The following FCHSD2 variants were observed in gnomAD, a reference collection of about 807,000 sequenced individuals.
FCHSD2 encodes the protein F-BAR and double SH3 domains protein 2.
Under a neutral mutation model 108.1 loss-of-function variants are expected in FCHSD2, and 38 were observed. The ratio of observed to expected loss-of-function variants is 0.35; its 90% CI spans 0.27 to 0.46. The LOEUF is 0.46. FCHSD2 is among the 20% of genes least tolerant of loss of function. FCHSD2 has a pLI of 1.00. For synonymous variants in FCHSD2, 279 were observed against 314.7 expected (o/e 0.89, Z 1.20); for missense variants, 751 against 897.8 (o/e 0.84, Z 2.09).
intron 12 of FCHSD2, among the ~76,000 whole-genome samples, chr11:72,882,109 C>G (rs1855101818): frequency 6.6e-6 from 1 of 151,830 alleles, no homozygotes; most frequent in African/African-American, 2.4e-5. Context: ...CGCGCCACTG[C>G]ACTCCAGCCT....
chr11:72,895,968 A>G (rs1855409139), intron 10 of FCHSD2, among the ~76,000 whole-genome samples: 1 of 152,154 alleles, frequency 6.6e-6, no homozygotes, highest in Non-Finnish European at 1.5e-5. Context: ...TTTCAGGTAC[A>G]TTTCCTGCAC....
intron 3 of FCHSD2, among the ~76,000 whole-genome samples, chr11:73,035,611 C>T (rs1706633066): frequency 6.6e-6 from 1 of 152,104 alleles, no homozygotes; most frequent in Non-Finnish European, 1.5e-5. Flanking sequence ...TTAATACCTT[C>T]ATCTATTCAA....
intron 3 of FCHSD2, among the ~76,000 whole-genome samples, chr11:73,032,070 T>C (rs1343826448): frequency 6.6e-6 from 1 of 152,154 alleles, no homozygotes; most frequent in Non-Finnish European, 1.5e-5. Flanking sequence ...GTCTCAAATA[T>C]TTAATAAAAA....
chr11:73,128,904 C>T (rs953661006), intron 2 of FCHSD2, among the ~76,000 whole-genome samples: 13 of 152,304 alleles, frequency 8.5e-5, no homozygotes, highest in Middle Eastern at 6.8e-3. Flanking sequence ...CAGAGTCTCG[C>T]TCTGTTGCCC....
rs573098949 is a variant in FCHSD2 at position 72,959,140 on chromosome 11, C to T, written c.705+24948G>A. ...GCTTAGATGGTCTGTATGATTCTGT[C>T]AATACTCTTTACCCATTTTAGAAAT... On this transcript the variant is annotated intron_variant, in intron 8 of 19. Coordinates refer to ENST00000409418, the MANE Select transcript of FCHSD2 (RefSeq NM_014824.3). 8.8e-5 allele frequency among the ~76,000 whole-genome samples: 13 copies of T among 148,426 alleles called. No individual in the cohort carries two copies. The East Asian group carries it at 2.3e-3, about 26-fold the overall frequency.
At chr11:72,894,096 T>G (rs990919239) in intron 10 of FCHSD2, among the ~76,000 whole-genome samples, 1 of 152,206 alleles carries the variant, frequency 6.6e-6, no homozygotes. Flanking sequence ...TGGTCATGTA[T>G]GATGAATGAA....
chr11:72,968,069 C>A (rs1025509075), intron 8 of FCHSD2, among the ~76,000 whole-genome samples: 1 of 133,528 alleles, frequency 7.5e-6, no homozygotes, highest in East Asian at 2.2e-4. Flanking sequence ...CCAGCCTGGG[C>A]AACAGAGCAA....
intron 2 of FCHSD2, among the ~76,000 whole-genome samples, chr11:73,130,523 G>A (rs1214948044): frequency 2.0e-4 from 30 of 152,158 alleles, no homozygotes; most frequent in Admixed American, 1.9e-3. Flanking sequence ...CACCTGCCTT[G>A]GGCTGCAATG....
At chr11:73,038,315 C>A (rs1858548318) in intron 3 of FCHSD2, among the ~76,000 whole-genome samples, 1 of 150,908 alleles carries the variant, frequency 6.6e-6, no homozygotes, top group Non-Finnish European at 1.5e-5. Context: ...GCACTCCAGC[C>A]TGGGTGACAG....
intron 2 of FCHSD2, among the ~76,000 whole-genome samples, chr11:73,091,179 G>A (rs1245484979): frequency 6.6e-6 from 1 of 151,958 alleles, no homozygotes; most frequent in East Asian, 1.9e-4. Flanking sequence ...TAGACATTTG[G>A]GTTTCCACAT....
chr11:73,115,066 G>A (rs1464517285), intron 2 of FCHSD2, among the ~76,000 whole-genome samples: 1 of 152,214 alleles, frequency 6.6e-6, no homozygotes, highest in Non-Finnish European at 1.5e-5. Flanking sequence ...AATTTAGCCT[G>A]CAGTGGCAAG....
intron 14 of FCHSD2, among the ~76,000 whole-genome samples, 153 bp downstream of exon 14, chr11:72,849,602 A>G (rs2135168992): frequency 6.6e-6 from 1 of 152,356 alleles, no homozygotes; most frequent in East Asian, 1.9e-4. Context: ...GTCAAGTCAG[A>G]GCCTAAACTC....
chr11:72,887,128 G>GAT lies in FCHSD2; in HGVS notation c.1146+340_1146+341dup, dbSNP rs5792604. The stretch of plus-strand genomic sequence containing the variant: ...CTCCATAGATATTGATATATAAGGA[G>GAT]ATATATATATATATCTAAATTGATA... On this transcript the variant is annotated intron_variant, in intron 12 of 19. Coordinates refer to ENST00000409418, the MANE Select transcript of FCHSD2 (RefSeq NM_014824.3). Among the ~76,000 whole-genome samples, 509 of 148,970 alleles carry GAT rather than the reference G, an allele frequency of 3.4e-3. 3 individuals are homozygous for GAT. Among genetic ancestry groups the GAT allele is most frequent in the African/African-American group, 0.011 (466 of 40,576 alleles).
At chr11:73,054,340 C>G (rs998680855) in intron 3 of FCHSD2, among the ~76,000 whole-genome samples, 1 of 151,932 alleles carries the variant, frequency 6.6e-6, no homozygotes, top group Non-Finnish European at 1.5e-5. Flanking sequence ...TGCCCAGACC[C>G]TTAAAACGAT....
At position 72,847,417 on chromosome 11, in the gene FCHSD2, C is replaced by A. The variant is rs191888101; in HGVS notation, c.1443+2338G>T. Among the ~76,000 whole-genome samples, 179 of 152,314 alleles carry A rather than the reference C, an allele frequency of 1.2e-3. 1 individual carries two copies. Among genetic ancestry groups the A allele is most frequent in the African/African-American group, 4.1e-3 (172 of 41,568 alleles). On this transcript the variant is annotated intron_variant, in intron 14 of 19. Coordinates refer to ENST00000409418, the MANE Select transcript of FCHSD2 (RefSeq NM_014824.3). The stretch of plus-strand genomic sequence containing the variant: ...ACAATTATTTACTAATGACCTACTA[C>A]GTGCTGGGCATTGTCCTAGGGGCTG...
intron 3 of FCHSD2, among the ~76,000 whole-genome samples, chr11:73,030,611 A>G (rs1858336593): frequency 6.6e-6 from 1 of 152,152 alleles, no homozygotes; most frequent in African/African-American, 2.4e-5. Flanking sequence ...CAATACTTTA[A>G]TCTATTTAAA....
chr11:73,080,778 T>C (rs1442120542), intron 3 of FCHSD2, among the ~76,000 whole-genome samples: 2 of 152,004 alleles, frequency 1.3e-5, no homozygotes, highest in Non-Finnish European at 2.9e-5. Flanking sequence ...ACCCCATCTC[T>C]ACTAAAAAGA....
At chr11:72,978,690 C>T (rs1857155096) in intron 8 of FCHSD2, among the ~76,000 whole-genome samples, 1 of 152,068 alleles carries the variant, frequency 6.6e-6, no homozygotes, top group African/African-American at 2.4e-5. Flanking sequence ...AAAAGTGGCA[C>T]TTCCCCCTTC....
At chr11:72,842,160 T>C (rs1451215740) in intron 17 of FCHSD2, among the ~76,000 whole-genome samples, 1 of 152,170 alleles carries the variant, frequency 6.6e-6, no homozygotes, top group African/African-American at 2.4e-5. Context: ...CTAGGGTCAC[T>C]TGAGTGGGGA....
Sources: allele counts gnomAD v4.1 joint callset (sites outside exome capture counted in the v4.1 genomes callset), GRCh38; gene constraint gnomAD v4.1.1; transcripts MANE v1.5; gene names NCBI Gene and HGNC (gene_info 2026-07-23, HGNC 2026-07-21).